Variants in MPV17L observed in about 807,000 individuals in gnomAD.
MPV17L encodes the protein mpv17-like protein.
Under a neutral mutation model 25.8 loss-of-function variants are expected in MPV17L, and 24 were observed. The observed-to-expected ratio is 0.93, with a 90% CI of 0.67 to 1.31. The LOEUF (loss-of-function observed/expected upper bound fraction) is 1.31. Ranked by LOEUF, MPV17L falls within the 50% of genes most tolerant of loss-of-function variation. The pLI is 0.00. For missense variants in MPV17L, 250 were observed against 265.6 expected, an observed-to-expected ratio of 0.94 and a Z score of 0.41; for synonymous variants, 102 against 115.3, an observed-to-expected ratio of 0.88 and a Z score of 0.74.
chr16:15,398,760 ATTTTTGTG>A (rs1313477906), intron 1 of MPV17L, among the ~76,000 whole-genome samples: 1 of 151,270 alleles, frequency 6.6e-6, no homozygotes, highest in African/African-American at 2.4e-5. Context: ...CGCCTGGCTA[ATTTTTGTG>A]TTTTTAGTAG....
intron 2 of MPV17L, among the ~76,000 whole-genome samples, chr16:15,404,365 C>T (rs2050663793): frequency 6.6e-6 from 1 of 152,078 alleles, no homozygotes; most frequent in Non-Finnish European, 1.5e-5. Context: ...CAAAGGAAAC[C>T]AAAGTGGGTG....
At position 15,408,368 on chromosome 16, in the gene MPV17L, TA is replaced by T. The variant is rs550729587; in HGVS notation, c.*257del. 1.2e-5 allele frequency: 4 copies of T among 332,624 alleles called. No individual in the cohort carries two copies. In the South Asian group the frequency reaches 4.1e-4, roughly 34 times the overall value. 20.6% of individuals were successfully genotyped at this position (332,624 alleles called of 1,614,324 possible). A position where few individuals can be genotyped will look rare whatever the true frequency, so the allele number is the denominator to read the frequency against. On this transcript the variant is annotated 3_prime_UTR_variant, in exon 4 of 4. Transcript: ENST00000396385. ...TAGTGGCAAAATGGCATTTTAGAATTATTAATATTTCTAATATTTTAACACA... is the reference window on the plus strand; with the variant it reads ...TAGTGGCAAAATGGCATTTTAGAATTTTAATATTTCTAATATTTTAACACA...
At chr16:15,396,678 G>A (rs751784754) in intron 1 of MPV17L, among the ~76,000 whole-genome samples, 10 of 152,170 alleles carry the variant, frequency 6.6e-5, no homozygotes, top group East Asian at 3.9e-4. Context: ...GAAAATCCAC[G>A]CCTGGGGCCC....
At chr16:15,397,275 G>A (rs943090072) in intron 1 of MPV17L, among the ~76,000 whole-genome samples, 1 of 152,158 alleles carries the variant, frequency 6.6e-6, no homozygotes, top group African/African-American at 2.4e-5. Context: ...TAGTCGTGAA[G>A]CTATAGCTTC....
intron 1 of MPV17L, among the ~76,000 whole-genome samples, chr16:15,399,205 T>G (rs1273921075): frequency 6.6e-6 from 1 of 152,018 alleles, no homozygotes; most frequent in African/African-American, 2.4e-5. Flanking sequence ...TACATAGCAT[T>G]TAATTAATGC....
intron 1 of MPV17L, among the ~76,000 whole-genome samples, chr16:15,399,725 T>C (rs2050617300): frequency 1.3e-5 from 2 of 152,182 alleles, no homozygotes; most frequent in African/African-American, 4.8e-5. Flanking sequence ...GGAAAATTTG[T>C]AGTCGCCAGA....
At chr16:15,397,634 C>A (rs567782779) in intron 1 of MPV17L, among the ~76,000 whole-genome samples, 4 of 152,106 alleles carry the variant, frequency 2.6e-5, no homozygotes, top group South Asian at 2.1e-4. Flanking sequence ...GATCTCCCCC[C>A]AAATGGGAGG....
rs1294647965 is a variant in MPV17L, at chr16:15,399,321, G to A, written c.311-1466G>A. ...ATTCCCTCCCTCCTAATCAGGGATTGGAAAGAATTTTTAAAGTACTCTCAG... is the reference window on the plus strand; with the variant it reads ...ATTCCCTCCCTCCTAATCAGGGATTAGAAAGAATTTTTAAAGTACTCTCAG... On this transcript the variant is annotated intron_variant, in intron 1 of 3. Transcript: ENST00000396385. 9.2e-6 allele frequency: 4 copies of A among 433,278 alleles called. No homozygotes were observed. The East Asian group carries it at 2.9e-4, about 31-fold the overall frequency. The allele number at this position is 433,278 out of a possible 1,614,324, so 26.8% of individuals were successfully genotyped here.
At position 15,395,835 on chromosome 16, in the gene MPV17L, G is replaced by C. The variant is rs1001414640; in HGVS notation, c.-63G>C. On this transcript the variant is annotated 5_prime_UTR_variant, in exon 1 of 4. Coordinates refer to ENST00000396385, the MANE Select transcript of MPV17L (RefSeq NM_001128423.2). ...TAGCTGCTGGAGGCTGGGGAGGCCC[G>C]GACCCGGTGCAGGAAGACGCCGACC... is the stretch of plus-strand genomic sequence containing the variant. 6 of 1,337,968 alleles carry C rather than the reference G, an allele frequency of 4.5e-6. No individual in the cohort carries two copies. Among genetic ancestry groups the C allele is most frequent in the African/African-American group, 3.1e-5 (2 of 64,420 alleles). 82.9% of individuals were successfully genotyped at this position (1,337,968 alleles called of 1,614,324 possible).
intron 2 of MPV17L, among the ~76,000 whole-genome samples, chr16:15,401,058 GTATATATATATATA>G (rs548012835): frequency 2.3e-5 from 1 of 44,256 alleles, no homozygotes; most frequent in Non-Finnish European, 3.7e-5. Context: ...ATGTGTGTGT[GTATATATATATATA>G]TATATATATA....
chr16:15,401,081 TATA>T (rs1441615420), intron 2 of MPV17L, among the ~76,000 whole-genome samples: 441 of 42,626 alleles, frequency 0.01, 2 homozygotes, highest in East Asian at 0.029. Context: ...TATATATATA[TATA>T]TATTTTTTTT....
intron 1 of MPV17L, among the ~76,000 whole-genome samples, chr16:15,399,060 C>G (rs1374306608): frequency 1.3e-5 from 2 of 151,956 alleles, no homozygotes; most frequent in Non-Finnish European, 2.9e-5. Flanking sequence ...AACAGATTAA[C>G]AACTCTGGCT....
In MPV17L at chr16:15,412,574, G is replaced by A. The variant is rs1478574019; in HGVS notation, c.*4462G>A. On this transcript the variant is annotated 3_prime_UTR_variant, in exon 4 of 4. Transcript: ENST00000396385. ...TTTAATAGAGAGATTATCTGGAACTGCAATTTTTTTTTTTTTTTTGAGACA... is the reference window on the plus strand; with the variant it reads ...TTTAATAGAGAGATTATCTGGAACTACAATTTTTTTTTTTTTTTTGAGACA... 1 of 151,170 alleles carries A rather than the reference G, an allele frequency of 6.6e-6. No individual in the cohort carries two copies. The highest frequency in any genetic ancestry group is 1.9e-4 in the East Asian group (1 of 5,160). The allele number at this position is 151,170 out of a possible 1,614,324, so 9.4% of individuals were successfully genotyped here.
At chr16:15,401,047 T>TAC (rs2050630520) in intron 2 of MPV17L, among the ~76,000 whole-genome samples, 190 bp downstream of exon 2, 1 of 127,218 alleles carries the variant, frequency 7.9e-6, no homozygotes, top group East Asian at 2.3e-4. Context: ...GATTTTTTTG[T>TAC]ATGTGTGTGT....
At chr16:15,400,686 A>C (rs1317970511) in intron 1 of MPV17L, 101 bp from the exon 2 acceptor site, 6 of 702,028 alleles carry the variant, frequency 8.5e-6, no homozygotes, top group Non-Finnish European at 1.3e-5. Flanking sequence ...GTTGGATGAT[A>C]GTGATGGTTA....
chr16:15,401,087 T>TATATATATATATA (rs376853780), intron 2 of MPV17L, among the ~76,000 whole-genome samples: 17 of 17,828 alleles, frequency 9.5e-4, no homozygotes, highest in South Asian at 2.4e-3. Context: ...TATATATATA[T>TATATATATATATA]TTTTTTTTTT....
At chr16:15,397,455 C>G (rs1448898578) in intron 1 of MPV17L, among the ~76,000 whole-genome samples, 14 of 152,120 alleles carry the variant, frequency 9.2e-5, no homozygotes, top group African/African-American at 3.1e-4. Flanking sequence ...GCTGATCGCT[C>G]AAGTTGGTTA....
chr16:15,400,201 C>A (rs1353039264), intron 1 of MPV17L, among the ~76,000 whole-genome samples: 1 of 152,028 alleles, frequency 6.6e-6, no homozygotes, highest in African/African-American at 2.4e-5. Context: ...ACCAATAGAC[C>A]CACTATTGTA....
intron 2 of MPV17L, among the ~76,000 whole-genome samples, chr16:15,405,049 T>G (rs1344786077): frequency 6.6e-6 from 1 of 152,128 alleles, no homozygotes; most frequent in Non-Finnish European, 1.5e-5. Flanking sequence ...CCTTTACTTC[T>G]TTCTTAAGCC....
Sources: allele counts gnomAD v4.1 joint callset (sites outside exome capture counted in the v4.1 genomes callset), GRCh38; gene constraint gnomAD v4.1.1; transcripts MANE v1.5; gene names NCBI Gene and HGNC (gene_info 2026-07-23, HGNC 2026-07-21).